The following PCNX2 variants were observed in gnomAD, a reference collection of about 807,000 sequenced individuals.
PCNX2 encodes the protein pecanex 2.
A neutral mutation model predicts 223.8 loss-of-function variants in PCNX2; 168 were observed. The ratio of observed to expected loss-of-function variants is 0.75; its 90% CI spans 0.66 to 0.85. PCNX2 has a LOEUF of 0.85. PCNX2 is among the 40% of genes least tolerant of loss of function. PCNX2 has a pLI of 0.00. For missense variants in PCNX2, 2,507 were observed against 2,675.5 expected (o/e 0.94, Z 1.39); for synonymous variants, 1,006 against 1,052.6 (o/e 0.96, Z 0.86).
intron 8 of PCNX2, among the ~76,000 whole-genome samples, chr1:233,240,060 C>A (rs1436985732): frequency 6.6e-6 from 1 of 152,166 alleles, no homozygotes; most frequent in Non-Finnish European, 1.5e-5. Context: ...TCTGTATTGT[C>A]ATGTGTATAT....
intron 1 of PCNX2, among the ~76,000 whole-genome samples, chr1:233,269,940 T>C (rs1003084438): frequency 6.6e-6 from 1 of 152,230 alleles, no homozygotes; most frequent in African/African-American, 2.4e-5. Context: ...TCCAAAAAGA[T>C]AGAATTCAGA....
intron 23 of PCNX2, among the ~76,000 whole-genome samples, chr1:233,089,036 C>A (rs563904190): frequency 6.6e-6 from 1 of 152,226 alleles, no homozygotes; most frequent in Admixed American, 6.5e-5. Context: ...GTGTTCTAAT[C>A]CCTAAGCCAC....
chr1:233,234,665 T>C lies in PCNX2; in HGVS notation c.2358+2180A>G, dbSNP rs572570990. On this transcript the variant is annotated intron_variant, in intron 9 of 33. Transcript: ENST00000258229. ...TATACATTTGATAATCTAAAGTTTC[T>C]AGTTTCCTCTAGCTCTTCTACTCAT... Among the ~76,000 whole-genome samples, 11 of 152,352 alleles carry C rather than the reference T, an allele frequency of 7.2e-5. No individual in the cohort carries two copies. In the South Asian group the frequency reaches 8.3e-4, roughly 11 times the overall value.
chr1:233,026,898 C>A (rs1041158914), intron 25 of PCNX2, among the ~76,000 whole-genome samples: 1 of 152,128 alleles, frequency 6.6e-6, no homozygotes, highest in African/African-American at 2.4e-5. Flanking sequence ...ATCTGAAGCT[C>A]TGGGGACAAG....
chr1:233,046,168 C>A (rs1263966161), intron 25 of PCNX2, among the ~76,000 whole-genome samples: 1 of 152,202 alleles, frequency 6.6e-6, no homozygotes, highest in Non-Finnish European at 1.5e-5. Flanking sequence ...ATCCTGTGAA[C>A]ATTTCATGTT....
At chr1:233,318,587 A>G in the PCNX2 span, among the ~76,000 whole-genome samples, 1 of 95,366 alleles carries the variant, frequency 1.0e-5, no homozygotes, top group Non-Finnish European at 1.9e-5. Context: ...TTTTTTTGAG[A>G]CAGAGTCTCA....
chr1:233,048,255 G>C (rs145301358), intron 25 of PCNX2, among the ~76,000 whole-genome samples: 1 of 152,100 alleles, frequency 6.6e-6, no homozygotes, highest in Non-Finnish European at 1.5e-5. Context: ...TCAGGAGTTC[G>C]AGACCAGCCT....
At chr1:233,251,735 G>A (rs1659462894) in intron 7 of PCNX2, among the ~76,000 whole-genome samples, 1 of 152,312 alleles carries the variant, frequency 6.6e-6, no homozygotes, top group East Asian at 1.9e-4. Flanking sequence ...ATCCTTTTGC[G>A]AGTAAAATAA....
chr1:233,186,044 T>C (rs558730442), intron 15 of PCNX2, among the ~76,000 whole-genome samples: 2 of 152,240 alleles, frequency 1.3e-5, no homozygotes, highest in Non-Finnish European at 2.9e-5. Flanking sequence ...GAACACAGTC[T>C]GAATTCCAGC....
At chr1:233,204,007 G>A (rs1681296881) in intron 13 of PCNX2, among the ~76,000 whole-genome samples, 2 of 152,188 alleles carry the variant, frequency 1.3e-5, no homozygotes, top group Admixed American at 1.3e-4. Context: ...TTTCTTAAAC[G>A]CTCCTCGTTA....
intron 19 of PCNX2, among the ~76,000 whole-genome samples, chr1:233,154,509 T>A (rs897281736): frequency 3.9e-5 from 6 of 152,222 alleles, no homozygotes; most frequent in Non-Finnish European, 8.8e-5. Context: ...TCAAGAGGCT[T>A]TGTATGCCCT....
At chr1:233,257,966 A>G in intron 5 of PCNX2, 62 bp downstream of exon 5, 3 of 1,530,004 alleles carry the variant, frequency 2.0e-6, no homozygotes. Flanking sequence ...CACAAGGCAA[A>G]TGGCAAAAAG....
chr1:233,232,257 A>T (rs1014616137), intron 9 of PCNX2, among the ~76,000 whole-genome samples: 1 of 152,228 alleles, frequency 6.6e-6, no homozygotes, highest in Non-Finnish European at 1.5e-5. Flanking sequence ...AGTGATAAGC[A>T]TTCAGTAGAA....
intron 1 of PCNX2, chr1:233,289,404 T>A: frequency 7.1e-7 from 1 of 1,415,974 alleles, no homozygotes; most frequent in Non-Finnish European, 1.0e-6. Flanking sequence ...CTCGTCCGGC[T>A]TCTCGCCATT....
At chr1:233,012,030 A>G (rs1192867598) in intron 28 of PCNX2, among the ~76,000 whole-genome samples, 1 of 152,126 alleles carries the variant, frequency 6.6e-6, no homozygotes, top group Non-Finnish European at 1.5e-5. Context: ...TAGTGTCAGA[A>G]GTGAACTGGA....
intron 21 of PCNX2, among the ~76,000 whole-genome samples, chr1:233,131,314 C>T (rs1414713412): frequency 6.6e-6 from 1 of 152,058 alleles, no homozygotes. Context: ...GAGAGCCGTA[C>T]TACCTGTAAG....
Position 233,295,492 on chromosome 1 carries a change from C to G in PCNX2, c.-14G>C, listed in dbSNP as rs1037731143. ...CTGGGACACCATGCCGGCTGCGCCC[C>G]GGGGCTGGTGAGCGCCCCGCTGCAC... is the stretch of plus-strand genomic sequence containing the variant. On this transcript the variant is annotated 5_prime_UTR_variant, in exon 1 of 34. Coordinates refer to ENST00000258229, the MANE Select transcript of PCNX2 (RefSeq NM_014801.4). The surrounding 1 kb of genome is among the most constrained non-coding windows in gnomAD (Gnocchi z 4.1). The G allele has an allele frequency of 6.5e-7, 1 of 1,544,436 alleles. No homozygotes were observed. Among genetic ancestry groups the G allele is most frequent in the East Asian group, 2.5e-5 (1 of 40,746 alleles).
chr1:232,984,549 C>A lies in PCNX2; in HGVS notation c.6241-72G>T, dbSNP rs545502935. 301 of 1,509,388 alleles carry A rather than the reference C, an allele frequency of 2.0e-4. No individual in the cohort carries two copies. The African/African-American group carries it at 3.6e-3, about 18-fold the overall frequency. The allele number at this position is 1,509,388 out of a possible 1,614,324, so 93.5% of individuals were successfully genotyped here. On this transcript the variant is annotated intron_variant, in intron 33 of 33. Coordinates refer to ENST00000258229, the MANE Select transcript of PCNX2 (RefSeq NM_014801.4). ...CTACCCACTTCTAACTGGCATCACC[C>A]CCATCCGTGCTGTGGGAGCTAAAGG...
rs774531868 is a variant in PCNX2, at chr1:232,999,244, C to T, written c.5464G>A (p.Asp1822Asn). 10 of 1,613,574 alleles carry T rather than the reference C, an allele frequency of 6.2e-6. No individual in the cohort carries two copies. The highest frequency in any genetic ancestry group is 5.0e-5 in the Admixed American group (3 of 59,954). Reference sequence around the variant, plus strand: ...TACATGGGGTACCCCAGGGGCTGATCGCAGGAGGAGTTAATCAAGTTCCGC... The same window carrying T: ...TACATGGGGTACCCCAGGGGCTGATTGCAGGAGGAGTTAATCAAGTTCCGC... ...VLRNLINSSC[D>N]QPLGYPMYVS... Residue 1822 changes from aspartate (D) to asparagine (N), a missense_variant, in exon 31 of 34, where the codon GAT becomes AAT. Coordinates refer to ENST00000258229, the MANE Select transcript of PCNX2 (RefSeq NM_014801.4).
Sources: allele counts gnomAD v4.1 joint callset (sites outside exome capture counted in the v4.1 genomes callset), GRCh38; gene constraint gnomAD v4.1.1; non-coding constraint Gnocchi (gnomAD v3.1); transcripts MANE v1.5; gene names NCBI Gene and HGNC (gene_info 2026-07-23, HGNC 2026-07-21).